Variants in ST7 observed in about 807,000 individuals in gnomAD.
ST7 encodes the protein suppressor of tumorigenicity 7 protein.
ST7 carries 28 observed loss-of-function variants against 78.7 expected under a neutral mutation model. The ratio of observed to expected loss-of-function variants is 0.36; its 90% CI spans 0.26 to 0.49. The LOEUF (loss-of-function observed/expected upper bound fraction) is 0.49. Ranked by LOEUF, ST7 falls within the 20% of genes least tolerant of loss-of-function variation. ST7 has a pLI of 0.99. For missense variants in ST7, 418 were observed against 696.0 expected, an observed-to-expected ratio of 0.60 and a Z score of 4.49; for synonymous variants, 247 against 249.6, an observed-to-expected ratio of 0.99 and a Z score of 0.10.
intron 1 of ST7, among the ~76,000 whole-genome samples, chr7:116,974,216 C>T (rs1228563777): frequency 6.6e-6 from 1 of 152,040 alleles, no homozygotes; most frequent in Non-Finnish European, 1.5e-5. Context: ...GATGATCTGA[C>T]TCTAGAACCT....
intron 10 of ST7, among the ~76,000 whole-genome samples, chr7:117,187,232 G>A (rs1398858102): frequency 1.3e-5 from 2 of 152,162 alleles, no homozygotes; most frequent in Non-Finnish European, 2.9e-5. Flanking sequence ...CTGTTAATCA[G>A]TGAGAACAAA....
intron 1 of ST7, among the ~76,000 whole-genome samples, chr7:117,005,968 A>T (rs1189858134): frequency 6.6e-6 from 1 of 152,214 alleles, no homozygotes; most frequent in Admixed American, 6.5e-5. Flanking sequence ...AATACTAATA[A>T]ATAATGCTAG....
chr7:117,223,099 C>G (rs1793215970), intron 15 of ST7: 2 of 702,586 alleles, frequency 2.8e-6, no homozygotes, highest in South Asian at 3.2e-5. Context: ...TCTTCCCTCT[C>G]TCACTCCCCA....
chr7:117,012,639 T>C (rs1795433995), intron 1 of ST7, among the ~76,000 whole-genome samples: 1 of 152,070 alleles, frequency 6.6e-6, no homozygotes, highest in Admixed American at 6.6e-5. Context: ...TTAATGAAGA[T>C]AATCTATCTA....
At chr7:117,099,634 T>C in intron 1 of ST7, 128 bp from the exon 2 acceptor site, 1 of 651,398 alleles carries the variant, frequency 1.5e-6, no homozygotes, top group East Asian at 2.9e-5. Context: ...GGGATCTTAC[T>C]ATGGTTCTAA....
rs192060766 is a variant in ST7, at chr7:116,974,512, C to T, written c.151+20821C>T. Among the ~76,000 whole-genome samples the T allele has an allele frequency of 9.8e-3, 1,487 of 152,154 alleles. 31 individuals carry two copies. Among genetic ancestry groups the T allele is most frequent in the African/African-American group, 0.034 (1,406 of 41,522 alleles). On this transcript the variant is annotated intron_variant, in intron 1 of 15. Transcript: ENST00000323984. The stretch of plus-strand genomic sequence containing the variant: ...TTCACCGTGTTAGCCAGGATGGTCT[C>T]GATCTCCTGACCTCGTGATCCACCT...
intron 1 of ST7, among the ~76,000 whole-genome samples, chr7:117,098,219 A>G (rs1189751612): frequency 1.3e-5 from 2 of 151,536 alleles, no homozygotes; most frequent in African/African-American, 2.4e-5. Flanking sequence ...TTCAACATCC[A>G]TGTCTTTGTT....
In ST7 at chr7:117,229,907, CTG is replaced by C; in HGVS notation, c.*53_*54del. ...TCACCCGCCGCTGCCACCATCTCCT[CTG>C]TGCCAACTCCTTGTGGACCGCAAGA... On this transcript the variant is annotated 3_prime_UTR_variant, in exon 16 of 16. Transcript: ENST00000323984. 1 of 1,453,664 alleles carries C rather than the reference CTG, an allele frequency of 6.9e-7. No homozygotes were observed. Among genetic ancestry groups the C allele is most frequent in the South Asian group, 1.1e-5 (1 of 87,840 alleles). The allele number at this position is 1,453,664 out of a possible 1,614,324, so 90.0% of individuals were successfully genotyped here. A position where few individuals can be genotyped will look rare whatever the true frequency, so the allele number is the denominator to read the frequency against.
intron 1 of ST7, among the ~76,000 whole-genome samples, chr7:117,001,688 A>G (rs1366605679): frequency 2.0e-5 from 3 of 152,196 alleles, no homozygotes; most frequent in Middle Eastern, 3.2e-3. Flanking sequence ...TAGTGTTATT[A>G]TCTTTTTTTG....
chr7:116,966,397 C>T (rs931688281), intron 1 of ST7, among the ~76,000 whole-genome samples: 6 of 151,790 alleles, frequency 4.0e-5, no homozygotes, highest in South Asian at 2.1e-4. Context: ...ATTACAGGCA[C>T]CTGCCACCAC....
chr7:117,167,457 G>T (rs991932401), intron 9 of ST7, among the ~76,000 whole-genome samples: 7 of 151,846 alleles, frequency 4.6e-5, no homozygotes, highest in African/African-American at 1.7e-4. Context: ...TACCAAGGAG[G>T]GAAGAACAGG....
intron 1 of ST7, among the ~76,000 whole-genome samples, chr7:117,050,052 A>C (rs1797696348): frequency 2.7e-5 from 1 of 36,500 alleles, no homozygotes; most frequent in Admixed American, 4.0e-4. Context: ...TAAAAATACA[A>C]AAAAAAAAAA....
chr7:117,126,969 T>C (rs1803903639), intron 3 of ST7, among the ~76,000 whole-genome samples: 1 of 151,904 alleles, frequency 6.6e-6, no homozygotes, highest in Non-Finnish European at 1.5e-5. Flanking sequence ...CTGTCAGCAC[T>C]TGTGAGTAGA....
chr7:117,015,028 T>C (rs535332819), intron 1 of ST7: 31 of 1,225,962 alleles, frequency 2.5e-5, no homozygotes, highest in Non-Finnish European at 3.4e-5. Flanking sequence ...AAATTAAATG[T>C]TAAATATTTT....
chr7:117,099,066 C>A (rs55753162), intron 1 of ST7, among the ~76,000 whole-genome samples: 64,147 of 92,724 alleles, frequency 0.69, 21,181 homozygotes, highest in East Asian at 0.89. Flanking sequence ...AAAAAAAAAA[C>A]AAAAAAAAAA....
At chr7:117,032,021 A>G (rs1391059174) in intron 1 of ST7, among the ~76,000 whole-genome samples, 1 of 151,392 alleles carries the variant, frequency 6.6e-6, no homozygotes, top group Non-Finnish European at 1.5e-5. Flanking sequence ...AGCTGGGATT[A>G]CAGGCAAATG....
In ST7 at chr7:117,228,974, T is replaced by C. The variant is rs537336491; in HGVS notation, c.1639-788T>C. 3.9e-5 allele frequency among the ~76,000 whole-genome samples: 6 copies of C among 152,288 alleles called. No homozygotes were observed. In the East Asian group the frequency reaches 1.2e-3, roughly 29 times the overall value. On this transcript the variant is annotated intron_variant, in intron 15 of 15. Coordinates refer to ENST00000323984, the MANE Select transcript of ST7 (RefSeq NM_001369598.1). ...GGCACCTCTTCTGCCAGATGCTGGA[T>C]GGGGTGTGGAATGAAACTGATTCTT...
chr7:117,103,684 C>G (rs1801739798), intron 2 of ST7, among the ~76,000 whole-genome samples: 1 of 152,146 alleles, frequency 6.6e-6, no homozygotes, highest in Non-Finnish European at 1.5e-5. Flanking sequence ...GAACATTAGT[C>G]TGGGTAAAGA....
intron 9 of ST7, among the ~76,000 whole-genome samples, chr7:117,143,937 C>G (rs1385064141): frequency 6.6e-6 from 1 of 152,142 alleles, no homozygotes; most frequent in Non-Finnish European, 1.5e-5. Context: ...TCTCAAACTT[C>G]TTGGTCTCAG....
Sources: gnomAD v4.1 joint callset for allele counts (sites outside exome capture counted in the v4.1 genomes callset) on GRCh38, gnomAD v4.1.1 for gene constraint, MANE v1.5 for transcripts, NCBI Gene and HGNC (gene_info 2026-07-23, HGNC 2026-07-21) for gene names.